Variants in DLG2 observed in about 807,000 individuals in gnomAD.
DLG2 encodes the protein disks large homolog 2.
A neutral mutation model predicts 132.5 loss-of-function variants in DLG2; 45 were observed. The ratio of observed to expected loss-of-function variants is 0.34; its 90% CI spans 0.27 to 0.44. The LOEUF (loss-of-function observed/expected upper bound fraction) is 0.44, where lower values mean the gene tolerates loss of function less well. Among genes scored for constraint, DLG2 ranks in the 20% least tolerant of loss-of-function variants. The pLI is 1.00. For missense variants in DLG2, 1,045 were observed against 1,196.9 expected (o/e 0.87, Z 1.87); for synonymous variants, 424 against 419.6 (o/e 1.01, Z -0.13).
intron 6 of DLG2, among the ~76,000 whole-genome samples, chr11:84,964,101 G>A (rs1241903055): frequency 6.6e-6 from 1 of 151,928 alleles, no homozygotes; most frequent in African/African-American, 2.4e-5. Flanking sequence ...AAAACATTAA[G>A]GCAGCCTAAC....
chr11:84,260,813 T>A (rs1182949779), intron 7 of DLG2, among the ~76,000 whole-genome samples: 1 of 152,222 alleles, frequency 6.6e-6, no homozygotes. Flanking sequence ...CTTTTCACCA[T>A]TAGGCCATAA....
intron 19 of DLG2, among the ~76,000 whole-genome samples, chr11:83,543,150 C>G (rs937380214): frequency 6.6e-6 from 1 of 152,118 alleles, no homozygotes; most frequent in Non-Finnish European, 1.5e-5. Context: ...TTAACACTGT[C>G]TCCCAGAGAT....
intron 5 of DLG2, among the ~76,000 whole-genome samples, chr11:85,123,685 G>A (rs1414172525): frequency 6.6e-6 from 1 of 152,138 alleles, no homozygotes; most frequent in Non-Finnish European, 1.5e-5. Flanking sequence ...CAAATTCCAA[G>A]AACTCATTCA....
chr11:85,480,748 T>C (rs1418771207), intron 3 of DLG2, among the ~76,000 whole-genome samples: 1 of 152,138 alleles, frequency 6.6e-6, no homozygotes, highest in Non-Finnish European at 1.5e-5. Flanking sequence ...GAACTGTAAA[T>C]TCAGTGACAA....
At chr11:84,545,717 C>A (rs2099388264) in intron 6 of DLG2, 1 of 272,814 alleles carries the variant, frequency 3.7e-6, no homozygotes, top group South Asian at 5.2e-5. Context: ...TTCAATTTTC[C>A]CACATTCTTC....
At chr11:84,966,975 T>C (rs1264533962) in intron 6 of DLG2, among the ~76,000 whole-genome samples, 3 of 152,184 alleles carry the variant, frequency 2.0e-5, no homozygotes, top group South Asian at 2.1e-4. Context: ...TTGCCCTCCA[T>C]TGGTCTGGGA....
At chr11:84,445,374 G>C (rs2099030544) in intron 7 of DLG2, among the ~76,000 whole-genome samples, 1 of 152,070 alleles carries the variant, frequency 6.6e-6, no homozygotes, top group African/African-American at 2.4e-5. Flanking sequence ...CTGAATGATA[G>C]TAGACTAGAC....
intron 11 of DLG2, among the ~76,000 whole-genome samples, chr11:83,986,702 C>T (rs2093345188): frequency 6.6e-6 from 1 of 151,982 alleles, no homozygotes; most frequent in Non-Finnish European, 1.5e-5. Context: ...CCTATTTCTC[C>T]ACATCCTCTC....
chr11:83,758,271 C>A (rs980982791), intron 18 of DLG2, among the ~76,000 whole-genome samples: 10 of 152,022 alleles, frequency 6.6e-5, no homozygotes, highest in Non-Finnish European at 1.5e-4. Context: ...CTTCTTGGTC[C>A]CTTTTCAGGC....
chr11:85,106,247 T>A lies in DLG2; in HGVS notation c.357+5414A>T, dbSNP rs540370128. 1.8e-3 allele frequency among the ~76,000 whole-genome samples: 280 copies of A among 152,098 alleles called. 2 individuals are homozygous for A. Among genetic ancestry groups the A allele is most frequent in the Admixed American group, 5.4e-3 (83 of 15,234 alleles). On this transcript the variant is annotated intron_variant, in intron 6 of 27. Transcript: ENST00000376104. ...ATAGTAGGAAGATGTTAAAGTGTTTTTAAATGAAAAGGAAAACCTGGCCCC... is the reference window on the plus strand; with the variant it reads ...ATAGTAGGAAGATGTTAAAGTGTTTATAAATGAAAAGGAAAACCTGGCCCC...
chr11:83,834,101 A>T (rs1003994719), intron 16 of DLG2, among the ~76,000 whole-genome samples: 2 of 152,194 alleles, frequency 1.3e-5, no homozygotes, highest in Non-Finnish European at 2.9e-5. Flanking sequence ...GGATGCACAC[A>T]AAAGCAGGGA....
intron 21 of DLG2, 151 bp downstream of exon 21, chr11:83,532,557 T>G: frequency 1.5e-6 from 1 of 646,366 alleles, no homozygotes; most frequent in Non-Finnish European, 2.7e-6. Flanking sequence ...TCATCAGAAA[T>G]CACATTATTA....
chr11:85,628,338 A>T (rs2082123772), upstream of DLG2, among the ~76,000 whole-genome samples: 6 of 152,224 alleles, frequency 3.9e-5, no homozygotes, highest in South Asian at 1.2e-3. Flanking sequence ...CGAAGAGATC[A>T]GGGAGCTAAG....
At chr11:84,831,945 T>C (rs2153995419) in intron 6 of DLG2, among the ~76,000 whole-genome samples, 1 of 151,712 alleles carries the variant, frequency 6.6e-6, no homozygotes, top group South Asian at 2.1e-4. Flanking sequence ...ATTGAACAAT[T>C]AGTTAACAGC....
intron 6 of DLG2, among the ~76,000 whole-genome samples, chr11:84,861,273 G>A (rs1331797353): frequency 1.3e-5 from 2 of 152,000 alleles, no homozygotes; most frequent in Non-Finnish European, 2.9e-5. Context: ...GAAAAATCTT[G>A]GTTTGTTCAC....
intron 21 of DLG2, among the ~76,000 whole-genome samples, chr11:83,529,322 A>G (rs2095682650): frequency 6.6e-6 from 1 of 152,016 alleles, no homozygotes; most frequent in Non-Finnish European, 1.5e-5. Context: ...CTCTCCACAT[A>G]GTTGTTCTCT....
chr11:84,294,967 G>A (rs186550845), intron 7 of DLG2, among the ~76,000 whole-genome samples: 13 of 152,256 alleles, frequency 8.5e-5, no homozygotes, highest in Admixed American at 5.9e-4. Flanking sequence ...GAATTATTTT[G>A]AAAACTATAT....
At chr11:84,792,545 T>C (rs972756558) in intron 6 of DLG2, among the ~76,000 whole-genome samples, 2 of 152,104 alleles carry the variant, frequency 1.3e-5, no homozygotes. Flanking sequence ...GTGAAACCAT[T>C]GGGTACCAGG....
intron 5 of DLG2, among the ~76,000 whole-genome samples, chr11:85,126,976 G>A (rs948033846): frequency 6.6e-6 from 1 of 152,134 alleles, no homozygotes; most frequent in Non-Finnish European, 1.5e-5. Context: ...CACAGGTTGT[G>A]GCAGAAAATA....
Sources: allele counts gnomAD v4.1 joint callset (sites outside exome capture counted in the v4.1 genomes callset), GRCh38; gene constraint gnomAD v4.1.1; transcripts MANE v1.5; gene names NCBI Gene and HGNC (gene_info 2026-07-23, HGNC 2026-07-21).